DCP1B: variants seen among roughly 807,000 people sequenced by gnomAD.
DCP1B encodes the protein decapping mRNA 1B.
Under a neutral mutation model 60.5 loss-of-function variants are expected in DCP1B, and 47 were observed. The ratio of observed to expected loss-of-function variants is 0.78; its 90% CI spans 0.61 to 0.99. DCP1B has a LOEUF of 0.99. Ranked by LOEUF, DCP1B falls within the 50% of genes least tolerant of loss-of-function variation. The pLI is 0.00. For synonymous variants in DCP1B, 267 were observed against 280.3 expected, an observed-to-expected ratio of 0.95 and a Z score of 0.47; for missense variants, 725 against 756.8, an observed-to-expected ratio of 0.96 and a Z score of 0.49.
intron 5 of DCP1B, 74 bp downstream of exon 5, chr12:1,965,484 A>C: frequency 1.4e-6 from 2 of 1,480,368 alleles, no homozygotes; most frequent in Non-Finnish European, 1.8e-6. Flanking sequence ...CACAGTACCT[A>C]GTCTTGCTAA....
chr12:1,958,173 G>A (rs997296827), intron 5 of DCP1B, among the ~76,000 whole-genome samples: 6 of 135,766 alleles, frequency 4.4e-5, no homozygotes, highest in Admixed American at 7.6e-5. Flanking sequence ...CTCCTGGAAG[G>A]AAACAGGGGA....
intron 3 of DCP1B, among the ~76,000 whole-genome samples, chr12:1,981,899 AAG>A (rs2036249486): frequency 1.3e-5 from 2 of 152,204 alleles, no homozygotes; most frequent in South Asian, 4.1e-4. Flanking sequence ...GCATGCAGGT[AAG>A]AGTGTTCTGG....
chr12:1,949,224 G>T lies in DCP1B; in HGVS notation c.1635C>A (p.Leu545=), dbSNP rs1448934337. ...SVPPKERESG[L]LPVGGQEPPA... ...GTGGCTCCTGGCCTCCCACAGGCAAGAGGCCGCTCTCCCTTTCCTTTGGCG... is the reference window on the plus strand; with the variant it reads ...GTGGCTCCTGGCCTCCCACAGGCAATAGGCCGCTCTCCCTTTCCTTTGGCG... The change falls in exon 8 of 9, where the codon CTC becomes CTA. Residue 545 remains leucine (L), a synonymous_variant. Transcript: ENST00000280665. 1.2e-6 allele frequency: 2 copies of T among 1,614,186 alleles called. No individual in the cohort carries two copies.
chr12:1,946,255 T>C lies in DCP1B; in HGVS notation c.1805A>G (p.Glu602Gly). 1 of 1,608,294 alleles carries C rather than the reference T, an allele frequency of 6.2e-7. No individual in the cohort carries two copies. The highest frequency in any genetic ancestry group is 1.3e-5 in the African/African-American group (1 of 74,742). Reference protein sequence around the residue: ...NDDNFLNIIYEAYLFSMTQAA... With the variant: ...NDDNFLNIIYGAYLFSMTQAA... ...TTGAGTCATGCTGAAGAGATAGGCTTCATAGATTATATTTAAGAAGTTGTC... is the reference window on the plus strand; with the variant it reads ...TTGAGTCATGCTGAAGAGATAGGCTCCATAGATTATATTTAAGAAGTTGTC... The change falls in exon 9 of 9, where the codon GAA becomes GGA. Residue 602 changes from glutamate (E) to glycine (G), a missense_variant. Physicochemically the swap from Glu to Gly is moderately conservative, Grantham distance 98 (BLOSUM62 -2). Transcript: ENST00000280665.
intron 3 of DCP1B, among the ~76,000 whole-genome samples, chr12:1,978,541 C>A (rs907566864): frequency 6.6e-6 from 1 of 152,130 alleles, no homozygotes; most frequent in Non-Finnish European, 1.5e-5. Flanking sequence ...ATTGAAGAAT[C>A]ATTTATGTAC....
At position 1,946,103 on chromosome 12, in the gene DCP1B, T is replaced by TA. The variant is rs2030409432; in HGVS notation, c.*102_*103insT. 2 of 924,116 alleles carry TA rather than the reference T, an allele frequency of 2.2e-6. No individual in the cohort carries two copies. Among genetic ancestry groups the TA allele is most frequent in the African/African-American group, 3.4e-5 (2 of 58,144 alleles). The allele number at this position is 924,116 out of a possible 1,614,324, so 57.2% of individuals were successfully genotyped here. On this transcript the variant is annotated 3_prime_UTR_variant, in exon 9 of 9. Transcript: ENST00000280665. ...ACTTCATATTACACATACTTTTTTT[T>TA]TAAAAAAGGCAGAAACATTGAAGGA... is the stretch of plus-strand genomic sequence containing the variant.
At chr12:1,995,198 T>C (rs545900508) in intron 2 of DCP1B, among the ~76,000 whole-genome samples, 2 of 151,742 alleles carry the variant, frequency 1.3e-5, no homozygotes, top group Admixed American at 1.3e-4. Context: ...TTTGTATGAT[T>C]TGTTCCTCTT....
At chr12:1,967,964 G>A in intron 3 of DCP1B, 54 bp from the exon 4 acceptor site, 2 of 1,422,094 alleles carry the variant, frequency 1.4e-6, no homozygotes, top group South Asian at 1.2e-5. Flanking sequence ...CTACAAAATA[G>A]AAAAAAATCT....
intron 5 of DCP1B, among the ~76,000 whole-genome samples, chr12:1,960,902 C>T (rs112589205): frequency 0.027 from 4,044 of 152,258 alleles, 92 homozygotes; most frequent in Middle Eastern, 0.054. Context: ...GCTACCTTTC[C>T]ATTTCACCCC....
Position 1,967,912 on chromosome 12 carries a change from T to G in DCP1B, c.320-2A>C. 1 of 1,610,218 alleles carries G rather than the reference T, an allele frequency of 6.2e-7. No homozygotes were observed. Among genetic ancestry groups the G allele is most frequent in the Non-Finnish European group, 8.5e-7 (1 of 1,178,964 alleles). ...AAAACCAAATTCCATAGATGGACACTGCAAAAAACACACATCAAACAAATT... is the reference window on the plus strand; with the variant it reads ...AAAACCAAATTCCATAGATGGACACGGCAAAAAACACACATCAAACAAATT... On this transcript the variant is annotated splice_acceptor_variant, in intron 3 of 8. Transcript: ENST00000280665. LOFTEE classifies it high-confidence loss of function.
chr12:1,992,561 G>A (rs2039685226), intron 3 of DCP1B: 1 of 156,214 alleles, frequency 6.4e-6, no homozygotes. Flanking sequence ...TTTTCTGTGT[G>A]TAGAGATGTC....
At chr12:2,003,393 T>C (rs548805293) in intron 1 of DCP1B, among the ~76,000 whole-genome samples, 1 of 152,252 alleles carries the variant, frequency 6.6e-6, no homozygotes, top group Admixed American at 6.5e-5. Context: ...TATTTTAAAA[T>C]GATGGATATC....
At chr12:1,985,300 A>C (rs2037382137) in intron 3 of DCP1B, among the ~76,000 whole-genome samples, 1 of 152,190 alleles carries the variant, frequency 6.6e-6, no homozygotes, top group South Asian at 2.1e-4. Context: ...CATTTTTAAA[A>C]AACATCTTGG....
chr12:1,985,873 C>A (rs1037276053), intron 3 of DCP1B, among the ~76,000 whole-genome samples: 5 of 151,990 alleles, frequency 3.3e-5, no homozygotes, highest in Admixed American at 3.3e-4. Flanking sequence ...TGCAGTGGTG[C>A]GATCTTGGCT....
At chr12:1,944,365 A>C (rs1404244830), downstream of DCP1B, among the ~76,000 whole-genome samples, 1 of 152,226 alleles carries the variant, frequency 6.6e-6, no homozygotes, top group African/African-American at 2.4e-5. Context: ...TGCCCAAAGT[A>C]ATTTATAGAT....
intron 7 of DCP1B, chr12:1,950,062 C>T: frequency 2.1e-6 from 1 of 474,100 alleles, no homozygotes; most frequent in Non-Finnish European, 3.8e-6. Flanking sequence ...CTACAGCTAT[C>T]ATTTGCTTCT....
intron 1 of DCP1B, among the ~76,000 whole-genome samples, chr12:2,002,952 A>T (rs1409529635): frequency 1.3e-5 from 2 of 152,164 alleles, no homozygotes; most frequent in Non-Finnish European, 2.9e-5. Context: ...TTCCCCTGGA[A>T]ACTAGGGGGA....
At position 1,949,109 on chromosome 12, in the gene DCP1B, C is replaced by T. The variant is rs560777764; in HGVS notation, c.1750G>A (p.Glu584Lys). The T allele has an allele frequency of 3.1e-6, 5 of 1,614,042 alleles. No homozygotes were observed. The highest frequency in any genetic ancestry group is 3.4e-6 in the Non-Finnish European group (4 of 1,179,948). ...ACCTGAATGAGGTACAGCAGTGCCT[C>T]CTGGAGCTGGAGCTTGGTGAGTGGG... ...SSPLTKLQLQ[E>K]ALLYLIQNDD... The change falls in exon 8 of 9, where the codon GAG becomes AAG. Residue 584 changes from glutamate to lysine, a missense_variant. Glu to Lys is a moderately conservative substitution (Grantham distance 56, BLOSUM62 1). Transcript: ENST00000280665.
At chr12:1,995,130 A>G (rs1035088100) in intron 2 of DCP1B, among the ~76,000 whole-genome samples, 4 of 152,238 alleles carry the variant, frequency 2.6e-5, no homozygotes, top group Non-Finnish European at 5.9e-5. Context: ...CTTAGAGTAT[A>G]GTAAGAAATC....
Sources: gnomAD v4.1 joint callset for allele counts (sites outside exome capture counted in the v4.1 genomes callset) on GRCh38, gnomAD v4.1.1 for gene constraint, MANE v1.5 for transcripts, NCBI Gene and HGNC (gene_info 2026-07-23, HGNC 2026-07-21) for gene names.